Variants in LRP1B observed in about 807,000 individuals in gnomAD.
LRP1B encodes LDL receptor related protein 1B.
LRP1B carries 217 observed loss-of-function variants against 556.6 expected under a neutral mutation model. The ratio of observed to expected loss-of-function variants is 0.39; its 90% CI spans 0.35 to 0.44. The LOEUF is 0.44. LRP1B is among the 20% of genes least tolerant of loss of function. LRP1B has a pLI of 1.00. For missense variants in LRP1B, 5,053 were observed against 5,620.8 expected (o/e 0.90, Z 3.23); for synonymous variants, 2,047 against 1,865.8 (o/e 1.10, Z -2.50).
intron 37 of LRP1B, among the ~76,000 whole-genome samples, chr2:140,709,346 C>T (rs1269381853): frequency 6.6e-6 from 1 of 151,838 alleles, no homozygotes; most frequent in Non-Finnish European, 1.5e-5. Flanking sequence ...GACTTTTCAG[C>T]ATGGAGAAAA....
intron 6 of LRP1B, among the ~76,000 whole-genome samples, chr2:141,225,543 C>T (rs1558945048): frequency 6.6e-6 from 1 of 152,126 alleles, no homozygotes; most frequent in Non-Finnish European, 1.5e-5. Flanking sequence ...TCAGCTGCTA[C>T]AAATGTGCTT....
At chr2:141,691,776 A>C (rs1691542160) in intron 2 of LRP1B, among the ~76,000 whole-genome samples, 1 of 151,704 alleles carries the variant, frequency 6.6e-6, no homozygotes, top group Admixed American at 6.6e-5. Flanking sequence ...TATGGCTTCT[A>C]TTTCCTCCCC....
At chr2:141,181,140 G>A (rs1320797956) in intron 7 of LRP1B, among the ~76,000 whole-genome samples, 1 of 151,914 alleles carries the variant, frequency 6.6e-6, no homozygotes, top group African/African-American at 2.4e-5. Flanking sequence ...AGATATGAGA[G>A]AATGTCTGAT....
At chr2:141,645,150 G>T (rs565198543) in intron 2 of LRP1B, among the ~76,000 whole-genome samples, 3 of 152,060 alleles carry the variant, frequency 2.0e-5, no homozygotes, top group African/African-American at 7.2e-5. Flanking sequence ...AGTGAGGTCT[G>T]CCCAAATTTG....
rs182576766 is a variant in LRP1B at position 140,573,987 on chromosome 2, A to G, written c.7194+24644T>C. ...TAAATAAGATCTTTTACAATAGAAA[A>G]AAAGAAAGATTTGAGGATAACGGGA... On this transcript the variant is annotated intron_variant, in intron 43 of 90. Coordinates refer to ENST00000389484, the MANE Select transcript of LRP1B (RefSeq NM_018557.3). 2.3e-3 allele frequency among the ~76,000 whole-genome samples: 357 copies of G among 152,220 alleles called. 1 individual carries two copies. Among genetic ancestry groups the G allele is most frequent in the African/African-American group, 8.2e-3 (341 of 41,566 alleles).
At chr2:140,755,575 AT>A (rs1052820387) in intron 35 of LRP1B, among the ~76,000 whole-genome samples, 1 of 151,992 alleles carries the variant, frequency 6.6e-6, no homozygotes. Flanking sequence ...CAAAAGGTAT[AT>A]GATCATCTCA....
intron 14 of LRP1B, 90 bp from the exon 15 acceptor site, chr2:141,005,547 T>C: frequency 9.4e-7 from 1 of 1,064,056 alleles, no homozygotes; most frequent in Non-Finnish European, 1.4e-6. Context: ...TACACTTATA[T>C]ATGCTATGTA....
chr2:141,977,927 A>C (rs1701931354), intron 1 of LRP1B, among the ~76,000 whole-genome samples: 1 of 152,212 alleles, frequency 6.6e-6, no homozygotes, highest in African/African-American at 2.4e-5. Flanking sequence ...CATCTACAAT[A>C]AACTATATTA....
chr2:140,497,909 A>G (rs1217493969), intron 55 of LRP1B, among the ~76,000 whole-genome samples: 1 of 151,948 alleles, frequency 6.6e-6, no homozygotes, highest in Non-Finnish European at 1.5e-5. Flanking sequence ...TTTAAGATTT[A>G]CAGTAAATTT....
chr2:141,013,472 C>A, intron 14 of LRP1B, 84 bp downstream of exon 14: 1 of 1,100,276 alleles, frequency 9.1e-7, no homozygotes, highest in Non-Finnish European at 1.3e-6. Flanking sequence ...ACTTTAGCAA[C>A]ACTGTCAAGA....
chr2:141,628,355 T>C (rs1348713806), intron 2 of LRP1B, among the ~76,000 whole-genome samples: 1 of 152,154 alleles, frequency 6.6e-6, no homozygotes, highest in Non-Finnish European at 1.5e-5. Context: ...AGTCTTCTTT[T>C]CCTAAGTTTA....
At position 140,541,906 on chromosome 2, in the gene LRP1B, C is replaced by T. The variant is rs2105020837; in HGVS notation, c.7260G>A (p.Trp2420Ter). ...GTATAGCTCTTCTTCCCCAGTCCGACCAGAATATATAATTGTCATAAACAG... is the reference window on the plus strand; with the variant it reads ...GTATAGCTCTTCTTCCCCAGTCCGATCAGAATATATAATTGTCATAAACAG... ...SLAVYDNYIF[W>*]SDWGRRAILR... Residue 2420 changes from tryptophan (W) to a stop codon, truncating the protein, a stop_gained, in exon 44 of 91, where the codon TGG (tryptophan) becomes TGA (stop). Transcript: ENST00000389484. LOFTEE classifies it high-confidence loss of function. The T allele has an allele frequency of 6.2e-7, 1 of 1,612,444 alleles. No homozygotes were observed. The highest frequency in any genetic ancestry group is 8.5e-7 in the Non-Finnish European group (1 of 1,178,998).
intron 22 of LRP1B, among the ~76,000 whole-genome samples, chr2:140,905,519 C>T (rs1039398417): frequency 6.6e-6 from 1 of 152,086 alleles, no homozygotes; most frequent in Non-Finnish European, 1.5e-5. Flanking sequence ...GTGCAAACAC[C>T]TGGGAAGGGA....
chr2:140,584,056 CTTTT>C (rs992722363), intron 43 of LRP1B, among the ~76,000 whole-genome samples: 2 of 151,846 alleles, frequency 1.3e-5, no homozygotes, highest in Non-Finnish European at 2.9e-5. Flanking sequence ...TAGTTTTAAT[CTTTT>C]TTATCATTTT....
rs545905583 is a variant in LRP1B at position 140,795,076 on chromosome 2, T to A, written c.5359+18581A>T. Among the ~76,000 whole-genome samples, 5 of 152,334 alleles carry A rather than the reference T, an allele frequency of 3.3e-5. No homozygotes were observed. In the South Asian group the frequency reaches 6.2e-4, roughly 19 times the overall value. On this transcript the variant is annotated intron_variant, in intron 32 of 90. Coordinates refer to ENST00000389484, the MANE Select transcript of LRP1B (RefSeq NM_018557.3). ...TCCTTAAGAGAAAAAATGATTTTTT[T>A]AAATCTAATTTCTTAGCGGTCCTCA...
intron 79 of LRP1B, 34 bp downstream of exon 79, chr2:140,334,419 T>G (rs371352500): frequency 1.3e-5 from 17 of 1,297,508 alleles, no homozygotes; most frequent in Admixed American, 8.5e-5. Flanking sequence ...CTTGTCATTC[T>G]GCTTCATATT....
intron 1 of LRP1B, among the ~76,000 whole-genome samples, chr2:141,956,336 G>A (rs1384925061): frequency 6.6e-6 from 1 of 151,984 alleles, no homozygotes; most frequent in East Asian, 1.9e-4. Context: ...TTTATTTGAT[G>A]ATTATTAAAC....
At chr2:141,118,006 T>C (rs1232471018) in intron 7 of LRP1B, among the ~76,000 whole-genome samples, 1 of 151,958 alleles carries the variant, frequency 6.6e-6, no homozygotes, top group East Asian at 1.9e-4. Context: ...AAACTGTCTT[T>C]GTTCAGTGCT....
intron 51 of LRP1B, 32 bp downstream of exon 51, chr2:140,514,621 A>G: frequency 6.3e-7 from 1 of 1,585,440 alleles, no homozygotes; most frequent in Non-Finnish European, 8.6e-7. Flanking sequence ...AATGCTTAAA[A>G]ACTGATTGAG....
Sources: gnomAD v4.1 joint callset for allele counts (sites outside exome capture counted in the v4.1 genomes callset) on GRCh38, gnomAD v4.1.1 for gene constraint, MANE v1.5 for transcripts, NCBI Gene and HGNC (gene_info 2026-07-23, HGNC 2026-07-21) for gene names.